The following PTPN3 variants were observed in gnomAD, a reference collection of about 807,000 sequenced individuals.
PTPN3 encodes the protein protein tyrosine phosphatase non-receptor type 3, also known as tyrosine-protein phosphatase non-receptor type 3.
PTPN3 carries 96 observed loss-of-function variants against 132.7 expected under a neutral mutation model. The observed-to-expected ratio is 0.72, with a 90% CI of 0.61 to 0.86. The LOEUF (loss-of-function observed/expected upper bound fraction) is 0.86, where lower values mean the gene tolerates loss of function less well. Among genes scored for constraint, PTPN3 ranks in the 40% least tolerant of loss-of-function variants. PTPN3 has a pLI of 0.00. For synonymous variants in PTPN3, 398 were observed against 429.0 expected, an observed-to-expected ratio of 0.93 and a Z score of 0.89; for missense variants, 1,125 against 1,159.6, an observed-to-expected ratio of 0.97 and a Z score of 0.43.
chr9:109,484,902 C>T (rs1847139831), intron 1 of PTPN3, among the ~76,000 whole-genome samples: 1 of 152,160 alleles, frequency 6.6e-6, no homozygotes, highest in South Asian at 2.1e-4. Context: ...CCAGTGGTTT[C>T]CCCAGCTGGC....
intron 10 of PTPN3, among the ~76,000 whole-genome samples, chr9:109,430,107 G>C (rs887220360): frequency 1.2e-4 from 19 of 152,202 alleles, no homozygotes; most frequent in African/African-American, 4.6e-4. Flanking sequence ...GATGAGAAGA[G>C]TGTCTGGGCT....
chr9:109,476,451 AAT>A (rs1264525603), intron 1 of PTPN3, among the ~76,000 whole-genome samples: 1 of 152,212 alleles, frequency 6.6e-6, no homozygotes, highest in Non-Finnish European at 1.5e-5. Context: ...AAAAGGAAAT[AAT>A]ATATGTCATT....
intron 7 of PTPN3, among the ~76,000 whole-genome samples, chr9:109,442,703 C>T (rs1844573274): frequency 2.0e-5 from 3 of 152,238 alleles, no homozygotes; most frequent in Admixed American, 6.5e-5. Context: ...ACACTTGACA[C>T]GTGCCATGCA....
At chr9:109,430,276 T>C (rs1003728874) in intron 10 of PTPN3, among the ~76,000 whole-genome samples, 5 of 152,196 alleles carry the variant, frequency 3.3e-5, no homozygotes, top group African/African-American at 1.2e-4. Flanking sequence ...TTTGAGTTCT[T>C]ACCTTGCCTT....
chr9:109,423,718 A>G (rs572169021), intron 12 of PTPN3, among the ~76,000 whole-genome samples: 1 of 152,266 alleles, frequency 6.6e-6, no homozygotes, highest in African/African-American at 2.4e-5. Context: ...AGCTATCTAG[A>G]CCCCTCAGAG....
the PTPN3 span, among the ~76,000 whole-genome samples, chr9:109,535,950 A>G: frequency 0.46 from 69,591 of 152,026 alleles, 16,814 homozygotes; most frequent in East Asian, 0.85. Context: ...TGCAACCGTC[A>G]CTACTGTCTA....
intron 1 of PTPN3, among the ~76,000 whole-genome samples, chr9:109,486,255 C>T (rs538383663): frequency 6.6e-6 from 1 of 152,242 alleles, no homozygotes; most frequent in South Asian, 2.1e-4. Flanking sequence ...ATACATTTTG[C>T]AGGGTTGGAG....
At chr9:109,432,458 T>G (rs980786213) in intron 10 of PTPN3, among the ~76,000 whole-genome samples, 2 of 152,188 alleles carry the variant, frequency 1.3e-5, no homozygotes, top group African/African-American at 4.8e-5. Flanking sequence ...CCTTGCACCA[T>G]CACGTTACCA....
At chr9:109,385,084 T>A (rs1022543936) in intron 22 of PTPN3, among the ~76,000 whole-genome samples, 1 of 152,156 alleles carries the variant, frequency 6.6e-6, no homozygotes, top group African/African-American at 2.4e-5. Context: ...TCTGATGAGA[T>A]CAACCCATGC....
intron 10 of PTPN3, among the ~76,000 whole-genome samples, chr9:109,432,311 C>T (rs1444975793): frequency 1.3e-5 from 2 of 151,932 alleles, no homozygotes; most frequent in African/African-American, 2.4e-5. Flanking sequence ...ATCCCCATTC[C>T]CTAACTTCCT....
At chr9:109,481,152 G>A (rs982982456) in intron 1 of PTPN3, among the ~76,000 whole-genome samples, 2 of 152,188 alleles carry the variant, frequency 1.3e-5, no homozygotes, top group Non-Finnish European at 1.5e-5. Flanking sequence ...GGACAAGACA[G>A]AGGAAAGCCC....
chr9:109,510,566 AAAAAAAAAAAAT>A, the PTPN3 span, among the ~76,000 whole-genome samples: 23 of 50,894 alleles, frequency 4.5e-4, 2 homozygotes, highest in Middle Eastern at 0.025. Context: ...CTTAAAAAAA[AAAAAAAAAAAAT>A]ATATATATAT....
In PTPN3 at chr9:109,379,167, A is replaced by G. The variant is rs1443280793; in HGVS notation, c.*389T>C. The G allele has an allele frequency of 5.4e-6, 1 of 185,880 alleles. No homozygotes were observed. Among genetic ancestry groups the G allele is most frequent in the African/African-American group, 2.4e-5 (1 of 42,220 alleles). 11.5% of individuals were successfully genotyped at this position (185,880 alleles called of 1,614,324 possible). On this transcript the variant is annotated 3_prime_UTR_variant, in exon 26 of 26. Transcript: ENST00000374541. ...CAGTCTGACACACAGAAACAAACAA[A>G]ACATCCAAATGACCCAAGATAACCA... is the stretch of plus-strand genomic sequence containing the variant.
the PTPN3 span, chr9:109,534,278 G>A: frequency 6.5e-7 from 1 of 1,542,956 alleles, no homozygotes; most frequent in East Asian, 2.4e-5. Context: ...CTGAGGGCGG[G>A]GGGCGGCGAG....
At position 109,463,374 on chromosome 9, in the gene PTPN3, G is replaced by C; in HGVS notation, c.61C>G (p.Pro21Ala). ...RINNIRTSEL[P>A]KEKTRSEVIC... ...ACTTCTGATCGAGTTTTCTCTTTGGGTAACTCCGAGGTGCGTATATTATTA... is the reference window on the plus strand; with the variant it reads ...ACTTCTGATCGAGTTTTCTCTTTGGCTAACTCCGAGGTGCGTATATTATTA... The change falls in exon 2 of 26, where the codon CCC becomes GCC. Residue 21 changes from proline (P) to alanine (A), a missense_variant. By Grantham distance (27) the Pro-to-Ala change is conservative. Transcript: ENST00000374541. 1 of 1,613,826 alleles carries C rather than the reference G, an allele frequency of 6.2e-7. No homozygotes were observed. Among genetic ancestry groups the C allele is most frequent in the Non-Finnish European group, 8.5e-7 (1 of 1,179,930 alleles).
intron 16 of PTPN3, among the ~76,000 whole-genome samples, chr9:109,408,796 A>AAAAAAT (rs1377996219): frequency 8.3e-5 from 9 of 108,372 alleles, no homozygotes; most frequent in African/African-American, 1.1e-4. Context: ...AAAAAAAAAA[A>AAAAAAT]ATATATATAT....
At chr9:109,499,064 G>A (rs10979891), upstream of PTPN3, among the ~76,000 whole-genome samples, 42,947 of 150,372 alleles carry the variant, frequency 0.29, 6,622 homozygotes, top group Non-Finnish European at 0.32. Context: ...TATTTATTGA[G>A]CACCTATTCT....
rs542032496 is a variant in PTPN3 at position 109,452,587 on chromosome 9, A to T, written c.368+1909T>A. Among the ~76,000 whole-genome samples the T allele has an allele frequency of 7.5e-4, 113 of 151,598 alleles. No individual in the cohort carries two copies. The South Asian group carries it at 0.023, about 31-fold the overall frequency. On this transcript the variant is annotated intron_variant, in intron 5 of 25. Coordinates refer to ENST00000374541, the MANE Select transcript of PTPN3 (RefSeq NM_002829.4). ...ACAGAGCCTTTTTTTTTTTTCTGCA[A>T]CAGGGTCTCAGTCGATCACTTAGGC... is the stretch of plus-strand genomic sequence containing the variant.
At chr9:109,394,059 C>T (rs1352325324) in intron 19 of PTPN3, among the ~76,000 whole-genome samples, 1 of 152,192 alleles carries the variant, frequency 6.6e-6, no homozygotes, top group Non-Finnish European at 1.5e-5. Flanking sequence ...CTCTAATAAA[C>T]TCTGTGAGTT....
Sources: allele counts gnomAD v4.1 joint callset (sites outside exome capture counted in the v4.1 genomes callset), GRCh38; gene constraint gnomAD v4.1.1; transcripts MANE v1.5; gene names NCBI Gene and HGNC (gene_info 2026-07-23, HGNC 2026-07-21).